Variants in NRXN1 observed in about 807,000 individuals in gnomAD.
NRXN1 encodes neurexin 1.
In NRXN1, 39 loss-of-function variants were observed where a neutral mutation model predicts 150.9. The ratio of observed to expected loss-of-function variants is 0.26; its 90% confidence interval spans 0.20 to 0.34. The LOEUF is 0.34. NRXN1 is among the 10% of genes least tolerant of loss of function. The pLI, the probability that NRXN1 is intolerant of heterozygous loss-of-function variation, is 1.00. For synonymous variants in NRXN1, 924 were observed against 757.0 expected (o/e 1.22, Z -3.62); for missense variants, 1,815 against 1,949.9 (o/e 0.93, Z 1.30).
At chr2:50,452,140 G>T (rs1387320235) in intron 17 of NRXN1, among the ~76,000 whole-genome samples, 2 of 152,192 alleles carry the variant, frequency 1.3e-5, no homozygotes, top group African/African-American at 2.4e-5. Context: ...TCTTTGCCCT[G>T]TGTCTCAGGA....
At chr2:50,098,839 T>TTTTTGG (rs1558874531) in intron 18 of NRXN1, among the ~76,000 whole-genome samples, 2 of 8,178 alleles carry the variant, frequency 2.4e-4, no homozygotes, top group African/African-American at 1.9e-3. Flanking sequence ...AGTTTTTTTT[T>TTTTTGG]TTTTTTTTTT....
rs2074418146 is a variant in NRXN1 at position 50,304,282 on chromosome 2, T to C, written c.3365-67312A>G. ...TAGGTAAATTTTTATTAGAATACAA[T>C]AGGAATTGAGGACAATGCGGTCTTA... On this transcript the variant is annotated intron_variant, in intron 17 of 22. Coordinates refer to ENST00000401669, the MANE Select transcript of NRXN1 (RefSeq NM_001330078.2). Among the ~76,000 whole-genome samples the C allele has an allele frequency of 1.3e-5, 2 of 152,136 alleles. 1 individual carries two copies.
At chr2:50,329,186 C>T (rs1380014840) in intron 17 of NRXN1, among the ~76,000 whole-genome samples, 2 of 152,006 alleles carry the variant, frequency 1.3e-5, no homozygotes, top group Non-Finnish European at 2.9e-5. Context: ...AAAGGGCTAA[C>T]AACATCAATA....
chr2:50,086,821 T>TGAGAGA (rs3046671), intron 19 of NRXN1, among the ~76,000 whole-genome samples: 2,350 of 142,812 alleles, frequency 0.016, 69 homozygotes, highest in African/African-American at 0.058. Flanking sequence ...CAGAGAAGAA[T>TGAGAGA]GAGAGAGAGA....
intron 18 of NRXN1, among the ~76,000 whole-genome samples, chr2:50,110,213 GGGCGCGGT>G (rs1199877553): frequency 1.3e-5 from 2 of 152,020 alleles, no homozygotes; most frequent in African/African-American, 2.4e-5. Flanking sequence ...AATGTTGGCC[GGGCGCGGT>G]GGCTCAGGCC....
chr2:50,220,730 G>A (rs2063819340), intron 18 of NRXN1, among the ~76,000 whole-genome samples: 1 of 151,928 alleles, frequency 6.6e-6, no homozygotes, highest in African/African-American at 2.4e-5. Flanking sequence ...TTTAGCTTTA[G>A]AATGTATATC....
intron 5 of NRXN1, among the ~76,000 whole-genome samples, chr2:50,878,889 G>C (rs1679012566): frequency 6.6e-6 from 1 of 151,904 alleles, no homozygotes; most frequent in Non-Finnish European, 1.5e-5. Context: ...CACTTTAACA[G>C]TACTATTAAT....
At chr2:50,107,361 G>GT (rs1333987683) in intron 18 of NRXN1, among the ~76,000 whole-genome samples, 1 of 150,420 alleles carries the variant, frequency 6.6e-6, no homozygotes, top group East Asian at 2.0e-4. Context: ...ACTGGAAATT[G>GT]TATCAGGTAA....
intron 5 of NRXN1, among the ~76,000 whole-genome samples, chr2:50,835,883 T>C (rs1330628808): frequency 2.0e-5 from 3 of 152,184 alleles, no homozygotes; most frequent in Non-Finnish European, 1.5e-5. Flanking sequence ...TTAACTTTGC[T>C]GAGCCTCATT....
intron 5 of NRXN1, among the ~76,000 whole-genome samples, chr2:50,901,563 G>A (rs1198547869): frequency 6.6e-6 from 1 of 152,004 alleles, no homozygotes; most frequent in Non-Finnish European, 1.5e-5. Context: ...AAATAAAGAT[G>A]AGAAAACATT....
chr2:50,002,822 C>T (rs1440168190), intron 21 of NRXN1, among the ~76,000 whole-genome samples: 1 of 152,094 alleles, frequency 6.6e-6, no homozygotes, highest in Non-Finnish European at 1.5e-5. Context: ...ACTCTCTCTT[C>T]TGTTGACCTG....
intron 2 of NRXN1, among the ~76,000 whole-genome samples, chr2:51,019,659 T>C (rs770564137): frequency 3.3e-5 from 5 of 152,144 alleles, no homozygotes; most frequent in African/African-American, 9.6e-5. Context: ...ATACTCATCA[T>C]TCAATTACTT....
chr2:50,088,680 T>C (rs1699142943), intron 19 of NRXN1, among the ~76,000 whole-genome samples: 2 of 152,230 alleles, frequency 1.3e-5, no homozygotes. Flanking sequence ...TGTTTCTTAT[T>C]CTGAACAATT....
At chr2:50,475,865 T>C (rs543035469) in intron 15 of NRXN1, among the ~76,000 whole-genome samples, 2 of 110,558 alleles carry the variant, frequency 1.8e-5, no homozygotes, top group East Asian at 2.5e-4. Context: ...ATCCTTGAAG[T>C]GACGGGTTTA....
intron 5 of NRXN1, among the ~76,000 whole-genome samples, chr2:50,832,622 C>G (rs1160716416): frequency 6.6e-6 from 1 of 152,124 alleles, no homozygotes; most frequent in Non-Finnish European, 1.5e-5. Flanking sequence ...CCACTGCACT[C>G]CAACTCCAGC....
intron 19 of NRXN1, among the ~76,000 whole-genome samples, chr2:50,071,493 A>C (rs1696289575): frequency 6.6e-6 from 1 of 152,196 alleles, no homozygotes; most frequent in South Asian, 2.1e-4. Flanking sequence ...ACACACAAAG[A>C]GACACAAGGG....
At chr2:50,106,337 C>T (rs565727030) in intron 18 of NRXN1, among the ~76,000 whole-genome samples, 2 of 151,900 alleles carry the variant, frequency 1.3e-5, no homozygotes, top group Non-Finnish European at 2.9e-5. Flanking sequence ...TGCAAGGAAT[C>T]ATAAAGCTTA....
At chr2:50,501,893 A>G (rs1452365688) in intron 13 of NRXN1, among the ~76,000 whole-genome samples, 1 of 152,222 alleles carries the variant, frequency 6.6e-6, no homozygotes, top group Non-Finnish European at 1.5e-5. Flanking sequence ...TAATAGAATT[A>G]CGATAAAACT....
At chr2:50,738,879 C>CT (rs1422975319) in intron 5 of NRXN1, among the ~76,000 whole-genome samples, 5 of 152,272 alleles carry the variant, frequency 3.3e-5, no homozygotes, top group African/African-American at 1.2e-4. Flanking sequence ...AATTAGGCAA[C>CT]TGGATGCATA....
Sources: allele counts gnomAD v4.1 joint callset (sites outside exome capture counted in the v4.1 genomes callset), GRCh38; gene constraint gnomAD v4.1.1; transcripts MANE v1.5; gene names NCBI Gene and HGNC (gene_info 2026-07-23, HGNC 2026-07-21).